Variants in ENPP6 observed in about 807,000 individuals in gnomAD.
ENPP6 encodes glycerophosphocholine cholinephosphodiesterase ENPP6.
In ENPP6, 32 loss-of-function variants were observed where a neutral mutation model predicts 42.0. The ratio of observed to expected loss-of-function variants is 0.76; its 90% CI spans 0.58 to 1.02. The LOEUF (loss-of-function observed/expected upper bound fraction) is 1.02, where lower values mean the gene tolerates loss of function less well. Ranked by LOEUF, ENPP6 falls within the 50% of genes least tolerant of loss-of-function variation. The probability of loss-of-function intolerance (pLI) is 0.00; values close to 1 mark genes in which losing one functional copy is unlikely to be tolerated. For synonymous variants in ENPP6, 213 were observed against 216.0 expected (o/e 0.99, Z 0.12); for missense variants, 552 against 566.8 (o/e 0.97, Z 0.27).
intron 5 of ENPP6, among the ~76,000 whole-genome samples, chr4:184,114,272 A>T (rs1736278177): frequency 6.6e-6 from 1 of 152,172 alleles, no homozygotes; most frequent in South Asian, 2.1e-4. Context: ...GGCCCTGTAC[A>T]TATTTCTAAT....
rs528877400 is a variant in ENPP6, at chr4:184,164,203, A to G, written c.242-10470T>C. On this transcript the variant is annotated intron_variant, in intron 1 of 7. Coordinates refer to ENST00000296741, the MANE Select transcript of ENPP6 (RefSeq NM_153343.4). ...TCACTTTTTCTCTCTCTAAAATGGG[A>G]TTCATGATACTCTCCGGGCTAGATT... Among the ~76,000 whole-genome samples the G allele has an allele frequency of 7.2e-4, 110 of 152,326 alleles. 1 individual carries two copies. Among genetic ancestry groups the G allele is most frequent in the African/African-American group, 2.4e-3 (101 of 41,580 alleles).
intron 2 of ENPP6, among the ~76,000 whole-genome samples, chr4:184,138,088 C>G (rs9999673): frequency 0.64 from 97,770 of 152,106 alleles, 31,703 homozygotes; most frequent in Non-Finnish European, 0.68. Flanking sequence ...ATTATCTTTA[C>G]ATTTTATTAG....
At chr4:184,192,118 G>A (rs1341529064) in intron 1 of ENPP6, among the ~76,000 whole-genome samples, 2 of 152,204 alleles carry the variant, frequency 1.3e-5, no homozygotes, top group Admixed American at 6.5e-5. Flanking sequence ...GGCAAAAGTT[G>A]ACATGTTCTT....
At position 184,117,003 on chromosome 4, in the gene ENPP6, A is replaced by G. The variant is rs1736327387; in HGVS notation, c.708T>C (p.Ile236=). 1 of 1,614,196 alleles carries G rather than the reference A, an allele frequency of 6.2e-7. No individual in the cohort carries two copies. Among genetic ancestry groups the G allele is most frequent in the Non-Finnish European group, 8.5e-7 (1 of 1,180,042 alleles). Residue 236 remains isoleucine, a synonymous_variant, in exon 5 of 8, where the codon ATT becomes ATC. Transcript: ENST00000296741. ...CGGTCATTCCGTGATCCGAGAAAAT[A>G]ATGACGTTCAGGCGGTCCTGCAGGC... ...ERGLQDRLNV[I]IFSDHGMTDI...
intron 6 of ENPP6, among the ~76,000 whole-genome samples, chr4:184,107,864 G>A (rs7700053): frequency 0.97 from 147,521 of 151,340 alleles, 71,974 homozygotes; most frequent in East Asian, 1. Flanking sequence ...GCTGTGAGCC[G>A]AGATCCCGCC....
chr4:184,140,356 C>T (rs62340124), intron 2 of ENPP6, among the ~76,000 whole-genome samples: 96,277 of 150,724 alleles, frequency 0.64, 31,014 homozygotes, highest in Non-Finnish European at 0.68. Flanking sequence ...ATCAAGCTAC[C>T]AATGCCTTTC....
chr4:184,165,589 C>G (rs903983218), intron 1 of ENPP6, among the ~76,000 whole-genome samples: 1 of 152,200 alleles, frequency 6.6e-6, no homozygotes, highest in Non-Finnish European at 1.5e-5. Flanking sequence ...CAGACATTCT[C>G]TTATCTCTTG....
At chr4:184,122,325 G>A (rs1205568264) in intron 3 of ENPP6, among the ~76,000 whole-genome samples, 1 of 152,030 alleles carries the variant, frequency 6.6e-6, no homozygotes, top group African/African-American at 2.4e-5. Context: ...CCTAGCTGGG[G>A]ACCCTTTCCT....
At chr4:184,206,700 C>A (rs1322410750) in intron 1 of ENPP6, among the ~76,000 whole-genome samples, 4 of 152,106 alleles carry the variant, frequency 2.6e-5, no homozygotes, top group Admixed American at 2.0e-4. Context: ...GGAAGTATAC[C>A]TTACTCTGCT....
Position 184,088,815 on chromosome 4 carries a change from A to C in ENPP6, c.*2362T>G, listed in dbSNP as rs1009759031. On this transcript the variant is annotated 3_prime_UTR_variant, in exon 8 of 8. Transcript: ENST00000296741. ...GTAACTTGTTCTCAGTCATTTATTC[A>C]GTTGAGTAATTACACTTTGTCAGAC... 4 of 152,146 alleles carry C rather than the reference A, an allele frequency of 2.6e-5. No homozygotes were observed. The highest frequency in any genetic ancestry group is 4.4e-5 in the Non-Finnish European group (3 of 68,040). The allele number at this position is 152,146 out of a possible 1,614,324, so 9.4% of individuals were successfully genotyped here.
At chr4:184,109,334 A>G (rs1208329301) in intron 6 of ENPP6, among the ~76,000 whole-genome samples, 3 of 152,222 alleles carry the variant, frequency 2.0e-5, no homozygotes, top group Non-Finnish European at 4.4e-5. Flanking sequence ...TTAATTCAAG[A>G]GAGCTATTAT....
At chr4:184,149,321 G>A (rs922338137) in intron 2 of ENPP6, among the ~76,000 whole-genome samples, 1 of 152,242 alleles carries the variant, frequency 6.6e-6, no homozygotes, top group African/African-American at 2.4e-5. Context: ...GCAGGAAAGA[G>A]AAAGAGGCTG....
At chr4:184,169,764 G>A (rs1167974479) in intron 1 of ENPP6, among the ~76,000 whole-genome samples, 3 of 152,224 alleles carry the variant, frequency 2.0e-5, no homozygotes, top group Non-Finnish European at 4.4e-5. Flanking sequence ...AATCTCACAA[G>A]CGACTTTGTG....
At chr4:184,172,360 C>T (rs1035922559) in intron 1 of ENPP6, among the ~76,000 whole-genome samples, 5 of 152,150 alleles carry the variant, frequency 3.3e-5, no homozygotes, top group African/African-American at 1.2e-4. Context: ...TCAGCCAACA[C>T]CTGCCTCCTG....
Position 184,091,331 on chromosome 4 carries a change from T to C in ENPP6, c.1169A>G (p.Asn390Ser), listed in dbSNP as rs373381357. The C allele has an allele frequency of 2.4e-5, 39 of 1,613,780 alleles. No individual in the cohort carries two copies. Among genetic ancestry groups the C allele is most frequent in the Non-Finnish European group, 3.2e-5 (38 of 1,179,940 alleles). ...AAPIRSVDVY[N>S]VMCNVVGITP... ...GATGCCCACCACATTGCACATGACA[T>C]TGTAGACGTCCACCGACCTGATAGG... The change falls in exon 8 of 8, where the codon AAT becomes AGT. Residue 390 changes from asparagine (N) to serine (S), a missense_variant. Physicochemically the swap from Asn to Ser is conservative, Grantham distance 46 (BLOSUM62 1). Coordinates refer to ENST00000296741, the MANE Select transcript of ENPP6 (RefSeq NM_153343.4).
intron 1 of ENPP6, among the ~76,000 whole-genome samples, chr4:184,171,701 C>T (rs1737463861): frequency 6.6e-6 from 1 of 152,142 alleles, no homozygotes; most frequent in South Asian, 2.1e-4. Flanking sequence ...CCACTTCTTG[C>T]CTTGATAGAA....
intron 7 of ENPP6, among the ~76,000 whole-genome samples, chr4:184,094,789 T>C (rs930910538): frequency 6.6e-6 from 1 of 152,260 alleles, no homozygotes; most frequent in Non-Finnish European, 1.5e-5. Flanking sequence ...TGCTGTCTTA[T>C]CTCAAACGTG....
intron 2 of ENPP6, among the ~76,000 whole-genome samples, chr4:184,140,527 G>T (rs1224926857): frequency 7.2e-6 from 1 of 138,592 alleles, no homozygotes; most frequent in Non-Finnish European, 1.6e-5. Flanking sequence ...GCATGGTACT[G>T]GTACCAAAAC....
chr4:184,113,583 C>T (rs2111342719), intron 5 of ENPP6, among the ~76,000 whole-genome samples: 1 of 152,234 alleles, frequency 6.6e-6, no homozygotes, highest in East Asian at 1.9e-4. Context: ...AACTCCCATG[C>T]TGATATTAAA....
Sources: gnomAD v4.1 joint callset for allele counts (sites outside exome capture counted in the v4.1 genomes callset) on GRCh38, gnomAD v4.1.1 for gene constraint, MANE v1.5 for transcripts, NCBI Gene and HGNC (gene_info 2026-07-23, HGNC 2026-07-21) for gene names.